Variants in RALGAPA1 observed in about 807,000 individuals in gnomAD.
RALGAPA1 encodes the protein Ral GTPase activating protein catalytic subunit alpha 1.
In RALGAPA1, 52 loss-of-function variants were observed where a neutral mutation model predicts 269.6. The observed-to-expected ratio is 0.19, with a 90% CI of 0.15 to 0.24. RALGAPA1 has a LOEUF of 0.24. RALGAPA1 is among the 10% of genes least tolerant of loss of function. The pLI is 1.00. For missense variants in RALGAPA1, 1,917 were observed against 3,013.9 expected (o/e 0.64, Z 8.52); for synonymous variants, 817 against 1,008.3 (o/e 0.81, Z 3.60).
chr14:35,623,437 G>A (rs1015811415), intron 35 of RALGAPA1, among the ~76,000 whole-genome samples: 1 of 151,294 alleles, frequency 6.6e-6, no homozygotes, highest in African/African-American at 2.4e-5. Context: ...CACCAACAGA[G>A]AATTTGAAAA....
At chr14:35,714,887 C>T (rs1179613702) in intron 16 of RALGAPA1, among the ~76,000 whole-genome samples, 1 of 152,120 alleles carries the variant, frequency 6.6e-6, no homozygotes, top group African/African-American at 2.4e-5. Context: ...AGTTATTTTT[C>T]CTTAGCACTT....
intron 10 of RALGAPA1, among the ~76,000 whole-genome samples, chr14:35,746,267 G>A (rs1339893194): frequency 6.6e-6 from 1 of 152,174 alleles, no homozygotes; most frequent in Non-Finnish European, 1.5e-5. Context: ...CAGGCAAAAT[G>A]GGAGATGCTG....
At position 35,664,757 on chromosome 14, in the gene RALGAPA1, A is replaced by C; in HGVS notation, c.5213T>G (p.Val1738Gly). Residue 1738 changes from valine to glycine, a missense_variant, in exon 27 of 42, where the codon GTA becomes GGA. Around this residue, in one of 11 missense-constraint regions of RALGAPA1, gnomAD observed 346 missense variants for 566.1 expected, o/e 0.61. Coordinates refer to ENST00000680220, the MANE Select transcript of RALGAPA1 (RefSeq NM_001346249.2). ...AGATCCCAGAAGAACTTGTGCTTCT[A>C]CTCTTGGTGCCTATGTATCACATTT... ...ASSAFLNAPR[V>G]EAQVLLGSLV... is the part of the protein sequence containing the mutation. 6.2e-7 allele frequency: 1 copy of C among 1,609,698 alleles called. No homozygotes were observed.
intron 6 of RALGAPA1, among the ~76,000 whole-genome samples, chr14:35,757,858 A>G (rs1037184334): frequency 1.3e-5 from 2 of 152,214 alleles, no homozygotes; most frequent in Non-Finnish European, 2.9e-5. Flanking sequence ...GGTAGATTTC[A>G]GTTTTTAAAT....
intron 4 of RALGAPA1, chr14:35,766,917 T>C (rs1320010319): frequency 7.3e-6 from 3 of 413,666 alleles, no homozygotes; most frequent in African/African-American, 2.1e-5. Flanking sequence ...AGTAACCCTG[T>C]TGCACTCTCA....
intron 5 of RALGAPA1, 91 bp from the exon 6 acceptor site, chr14:35,761,097 G>C (rs866922687): frequency 3.3e-6 from 3 of 917,780 alleles, no homozygotes; most frequent in Middle Eastern, 5.9e-4. Flanking sequence ...GATGACAACA[G>C]AATGATACTT....
intron 29 of RALGAPA1, among the ~76,000 whole-genome samples, chr14:35,654,751 A>G (rs1006964581): frequency 1.3e-5 from 2 of 152,124 alleles, no homozygotes; most frequent in African/African-American, 4.8e-5. Flanking sequence ...CCTCTAAACC[A>G]CTATTCTTTT....
intron 1 of RALGAPA1, among the ~76,000 whole-genome samples, chr14:35,786,756 AT>A (rs1258181470): frequency 6.6e-6 from 1 of 152,166 alleles, no homozygotes; most frequent in Non-Finnish European, 1.5e-5. Flanking sequence ...TAATATCTTT[AT>A]TTTTAAAAGC....
chr14:35,791,463 G>A (rs779637419), intron 1 of RALGAPA1, among the ~76,000 whole-genome samples: 11 of 151,988 alleles, frequency 7.2e-5, no homozygotes, highest in Non-Finnish European at 1.5e-4. Flanking sequence ...AAAATTAGCC[G>A]GGCATTGGTG....
intron 7 of RALGAPA1, among the ~76,000 whole-genome samples, chr14:35,753,482 T>C (rs2072908377): frequency 6.6e-6 from 1 of 152,178 alleles, no homozygotes; most frequent in Admixed American, 6.5e-5. Context: ...ATACTGTATA[T>C]GTATACAATA....
Position 35,639,038 on chromosome 14 carries a change from G to A in RALGAPA1, c.5677-3440C>T, listed in dbSNP as rs759737293. Among the ~76,000 whole-genome samples, 5 of 151,932 alleles carry A rather than the reference G, an allele frequency of 3.3e-5. No individual in the cohort carries two copies. In the East Asian group the frequency reaches 5.8e-4, roughly 18 times the overall value. On this transcript the variant is annotated intron_variant, in intron 31 of 41. Coordinates refer to ENST00000680220, the MANE Select transcript of RALGAPA1 (RefSeq NM_001346249.2). ...ACAGATTAAAAAAATAAAACCCAAC[G>A]ATCTGTTGCCTACAAGAAACACACT... is the stretch of plus-strand genomic sequence containing the variant.
At chr14:35,803,480 C>A (rs189378258) in intron 1 of RALGAPA1, among the ~76,000 whole-genome samples, 356 of 152,050 alleles carry the variant, frequency 2.3e-3, no homozygotes, top group Non-Finnish European at 4.4e-3. Context: ...GATATATAGA[C>A]AATAAAAATT....
chr14:35,784,316 T>C (rs2075656157), intron 1 of RALGAPA1, among the ~76,000 whole-genome samples: 1 of 152,098 alleles, frequency 6.6e-6, no homozygotes, highest in African/African-American at 2.4e-5. Flanking sequence ...TATTATAAGC[T>C]ACAATGTGAT....
chr14:35,742,101 A>G (rs1056238373), intron 11 of RALGAPA1, among the ~76,000 whole-genome samples: 1 of 152,236 alleles, frequency 6.6e-6, no homozygotes, highest in African/African-American at 2.4e-5. Context: ...TTATACCTTT[A>G]TAACAGTACC....
intron 16 of RALGAPA1, among the ~76,000 whole-genome samples, chr14:35,717,385 G>A (rs1382034409): frequency 5.9e-5 from 9 of 152,090 alleles, no homozygotes; most frequent in Non-Finnish European, 1.5e-5. Context: ...CCTGACCTCA[G>A]GTGATCCGCC....
chr14:35,761,479 T>G (rs1297889629), intron 5 of RALGAPA1, among the ~76,000 whole-genome samples: 23 of 152,100 alleles, frequency 1.5e-4, no homozygotes, highest in Admixed American at 1.5e-3. Flanking sequence ...TTAAAATTAT[T>G]AAGTTACAAT....
In RALGAPA1 at chr14:35,808,747, T is replaced by C; in HGVS notation, c.89A>G (p.His30Arg). 6.2e-7 allele frequency: 1 copy of C among 1,612,946 alleles called. No individual in the cohort carries two copies. The highest frequency in any genetic ancestry group is 8.5e-7 in the Non-Finnish European group (1 of 1,179,596). The change falls in exon 1 of 42, where the codon CAC becomes CGC. Residue 30 changes from histidine to arginine, a missense_variant. His to Arg is a conservative substitution (Grantham distance 29, BLOSUM62 0). Around this residue, in one of 11 missense-constraint regions of RALGAPA1, gnomAD observed 462 missense variants for 725.6 expected, o/e 0.64. Transcript: ENST00000680220. ...TKKDALTRLK[H>R]LRIVIENAES... ...CTCCTCACCGATGACGATGCGCAGG[T>C]GCTTGAGGCGAGTCAGTGCGTCCTT...
rs767703312 is a variant in RALGAPA1, at chr14:35,572,552, G to C, written c.7368+8C>G. 15 of 1,591,242 alleles carry C rather than the reference G, an allele frequency of 9.4e-6. No individual in the cohort carries two copies. Among genetic ancestry groups the C allele is most frequent in the South Asian group, 6.9e-5 (6 of 86,540 alleles). ...CTATTACTAAAATGGAAGATAAGGA[G>C]TTCTTACCTCTGGTTTTTTCATTAT... On this transcript the variant is annotated splice_region_variant and intron_variant, in intron 38 of 41. Transcript: ENST00000680220.
intron 39 of RALGAPA1, among the ~76,000 whole-genome samples, chr14:35,550,334 A>G (rs1340548616): frequency 6.6e-6 from 1 of 152,190 alleles, no homozygotes; most frequent in Non-Finnish European, 1.5e-5. Context: ...CAGGCTTTAC[A>G]TAAGACATTT....
Sources: gnomAD v4.1 joint callset for allele counts (sites outside exome capture counted in the v4.1 genomes callset) on GRCh38, gnomAD v4.1.1 for gene constraint, gnomAD v4.1.1 regional missense constraint, MANE v1.5 for transcripts, NCBI Gene and HGNC (gene_info 2026-07-23, HGNC 2026-07-21) for gene names.